The following RABGAP1 variants were observed in gnomAD, a reference collection of about 807,000 sequenced individuals.
RABGAP1 encodes RAB GTPase activating protein 1, also known as rab GTPase-activating protein 1.
A neutral mutation model predicts 137.6 loss-of-function variants in RABGAP1; 23 were observed. The observed-to-expected ratio is 0.17, with a 90% CI of 0.12 to 0.24. The LOEUF is 0.24. RABGAP1 is among the 10% of genes least tolerant of loss of function. The pLI is 1.00. For missense variants in RABGAP1, 906 were observed against 1,275.8 expected, an observed-to-expected ratio of 0.71 and a Z score of 4.42; for synonymous variants, 451 against 450.7, an observed-to-expected ratio of 1.00 and a Z score of -0.01.
intron 14 of RABGAP1, among the ~76,000 whole-genome samples, chr9:123,066,635 G>A (rs151136253): frequency 1.3e-3 from 191 of 152,152 alleles, no homozygotes; most frequent in African/African-American, 4.2e-3. Flanking sequence ...GCTCAGTTGG[G>A]TAGTTTGGCT....
At chr9:122,947,488 C>T (rs1834004606) in intron 1 of RABGAP1, among the ~76,000 whole-genome samples, 1 of 152,102 alleles carries the variant, frequency 6.6e-6, no homozygotes, top group African/African-American at 2.4e-5. Flanking sequence ...TGTGTTATTA[C>T]TTAATCACAA....
At chr9:123,043,609 A>G (rs1327312219) in intron 13 of RABGAP1, among the ~76,000 whole-genome samples, 1 of 144,818 alleles carries the variant, frequency 6.9e-6, no homozygotes, top group Non-Finnish European at 1.5e-5. Flanking sequence ...CACTGTTGAC[A>G]GGGTGAGGGG....
chr9:123,002,499 C>T (rs1056897455), intron 10 of RABGAP1, among the ~76,000 whole-genome samples: 1 of 151,186 alleles, frequency 6.6e-6, no homozygotes, highest in African/African-American at 2.4e-5. Context: ...ATAAGATTCC[C>T]CTGATCTTGC....
chr9:122,936,040 C>T (rs1833383487), upstream of RABGAP1, among the ~76,000 whole-genome samples: 2 of 151,998 alleles, frequency 1.3e-5, no homozygotes, highest in African/African-American at 2.4e-5. Context: ...ACAAGTTGCT[C>T]ATCTCTGGCT....
chr9:122,993,686 C>T (rs925302174), intron 6 of RABGAP1, among the ~76,000 whole-genome samples: 5 of 152,108 alleles, frequency 3.3e-5, no homozygotes, highest in East Asian at 3.9e-4. Flanking sequence ...CTTTTTGAGA[C>T]GGAGTCTCGC....
intron 13 of RABGAP1, among the ~76,000 whole-genome samples, chr9:123,032,203 T>C (rs1338399614): frequency 1.3e-5 from 2 of 152,180 alleles, no homozygotes; most frequent in African/African-American, 4.8e-5. Flanking sequence ...ATATACCCCC[T>C]CTGTGCTAGG....
rs57695214 is a variant in RABGAP1 at position 122,942,688 on chromosome 9, A to AAAAAAC, written c.-50+1595_-50+1596insAAAAAC. Among the ~76,000 whole-genome samples, 9 of 132,926 alleles carry AAAAAAC rather than the reference A, an allele frequency of 6.8e-5. 1 individual carries two copies. The South Asian group carries it at 7.7e-4, about 11-fold the overall frequency. 87.2% of individuals were successfully genotyped at this position (132,926 alleles called of 152,430 possible). ...CCGTCTCAAAAAAAAAAAAAAAAAA[A>AAAAAAC]CACAAAAAAACAAAATAGGGAAGAG... On this transcript the variant is annotated intron_variant, in intron 1 of 25. Transcript: ENST00000373647.
At chr9:123,082,840 C>T (rs1321044919) in intron 19 of RABGAP1, among the ~76,000 whole-genome samples, 1 of 152,210 alleles carries the variant, frequency 6.6e-6, no homozygotes. Context: ...AAACAGAAAA[C>T]TCTTCAGCAT....
At chr9:122,958,304 G>T (rs1339725794) in intron 2 of RABGAP1, among the ~76,000 whole-genome samples, 1 of 152,218 alleles carries the variant, frequency 6.6e-6, no homozygotes, top group Non-Finnish European at 1.5e-5. Context: ...GCTGCCTATG[G>T]CTGAGAGCTT....
rs899474672 is a variant in RABGAP1, at chr9:123,104,387, T to A, written c.*1174T>A. ...TTCAGATGGGCTGTAAGTTCTCACT[T>A]CAAAGCTATGGAATGGATTTTAGCA... On this transcript the variant is annotated 3_prime_UTR_variant, in exon 26 of 26. Transcript: ENST00000373647. The A allele has an allele frequency of 6.7e-6, 1 of 150,298 alleles. No homozygotes were observed. Among genetic ancestry groups the A allele is most frequent in the Non-Finnish European group, 1.5e-5 (1 of 67,794 alleles). The allele number at this position is 150,298 out of a possible 1,614,324, so 9.3% of individuals were successfully genotyped here. A position where few individuals can be genotyped will look rare whatever the true frequency, so the allele number is the denominator to read the frequency against.
intron 24 of RABGAP1, among the ~76,000 whole-genome samples, chr9:123,100,346 A>T (rs915894661): frequency 5.3e-5 from 8 of 151,544 alleles, no homozygotes; most frequent in African/African-American, 1.9e-4. Context: ...CTAGAGCAGG[A>T]TGACACTGGC....
chr9:122,933,279 A>G, the RABGAP1 span, among the ~76,000 whole-genome samples: 1 of 151,900 alleles, frequency 6.6e-6, no homozygotes, highest in East Asian at 1.9e-4. Flanking sequence ...GTAAATGCCT[A>G]TAATTTTTAT....
chr9:122,960,771 A>C (rs562601910), intron 2 of RABGAP1, among the ~76,000 whole-genome samples: 39 of 152,358 alleles, frequency 2.6e-4, no homozygotes, highest in Middle Eastern at 3.4e-3. Context: ...AATCATGTAG[A>C]AATGAAGGCG....
At chr9:122,948,105 A>AT (rs1388504674) in intron 1 of RABGAP1, among the ~76,000 whole-genome samples, 2 of 151,670 alleles carry the variant, frequency 1.3e-5, no homozygotes, top group South Asian at 2.1e-4. Flanking sequence ...ATGCAATGTG[A>AT]TTTTTTATAG....
At chr9:123,044,089 G>C (rs2033088914) in intron 13 of RABGAP1, among the ~76,000 whole-genome samples, 2 of 151,772 alleles carry the variant, frequency 1.3e-5, no homozygotes, top group African/African-American at 4.8e-5. Flanking sequence ...ATTTTTAGTA[G>C]AGACGGGGTT....
At chr9:122,969,068 A>G (rs1835329523) in intron 2 of RABGAP1, among the ~76,000 whole-genome samples, 1 of 152,228 alleles carries the variant, frequency 6.6e-6, no homozygotes, top group Non-Finnish European at 1.5e-5. Context: ...ATTTCAGTCC[A>G]CAACCAACTG....
intron 19 of RABGAP1, among the ~76,000 whole-genome samples, chr9:123,086,108 A>G (rs1224128880): frequency 2.6e-5 from 4 of 152,268 alleles, no homozygotes; most frequent in African/African-American, 4.8e-5. Context: ...ACTTGATGCT[A>G]TGAGAATAGT....
intron 13 of RABGAP1, among the ~76,000 whole-genome samples, chr9:123,027,036 AG>A (rs1165537215): frequency 2.6e-5 from 4 of 151,990 alleles, no homozygotes; most frequent in African/African-American, 7.2e-5. Flanking sequence ...AAGAATCTTT[AG>A]CAAGCTTTTA....
chr9:123,065,411 T>TTTA lies in RABGAP1; in HGVS notation c.1859_1861dup (p.Phe620_Lys621insIle). ...CCGAACATTCCCAGCCCATGACTAC[T>TTTA]TTAAGGACACAGGAGGAGATGGACA... On this transcript the variant is annotated inframe_insertion, in exon 14 of 26. Transcript: ENST00000373647. 1 of 1,613,376 alleles carries TTTA rather than the reference T, an allele frequency of 6.2e-7. No individual in the cohort carries two copies. The highest frequency in any genetic ancestry group is 8.5e-7 in the Non-Finnish European group (1 of 1,179,410).
Sources: allele counts gnomAD v4.1 joint callset (sites outside exome capture counted in the v4.1 genomes callset), GRCh38; gene constraint gnomAD v4.1.1; transcripts MANE v1.5; gene names NCBI Gene and HGNC (gene_info 2026-07-23, HGNC 2026-07-21).